The following GRIK4 variants were observed in gnomAD, a reference collection of about 807,000 sequenced individuals.
The protein encoded by GRIK4 is glutamate receptor ionotropic, kainate 4.
In GRIK4, 40 loss-of-function variants were observed where a neutral mutation model predicts 104.9. That is an observed-to-expected ratio of 0.38 (90% CI 0.30 to 0.50). The LOEUF is 0.50. Among genes scored for constraint, GRIK4 ranks in the 20% least tolerant of loss-of-function variants. GRIK4 has a pLI of 0.93. For missense variants in GRIK4, 1,047 were observed against 1,308.1 expected (o/e 0.80, Z 3.08); for synonymous variants, 485 against 524.9 (o/e 0.92, Z 1.04).
intron 1 of GRIK4, among the ~76,000 whole-genome samples, chr11:120,610,865 G>T (rs552640408): frequency 3.3e-5 from 5 of 152,272 alleles, no homozygotes; most frequent in Admixed American, 2.0e-4. Context: ...CACAAGCCTG[G>T]GTGCAAGCAA....
intron 1 of GRIK4, among the ~76,000 whole-genome samples, chr11:120,624,881 TGGG>T (rs1949237641): frequency 1.3e-5 from 2 of 152,072 alleles, no homozygotes; most frequent in Non-Finnish European, 2.9e-5. Flanking sequence ...CTTGGGGGGA[TGGG>T]GTGCAGATTT....
intron 4 of GRIK4, among the ~76,000 whole-genome samples, chr11:120,809,025 A>G (rs1294365014): frequency 6.6e-6 from 1 of 152,146 alleles, no homozygotes; most frequent in Non-Finnish European, 1.5e-5. Context: ...GAGGGGGGCT[A>G]CAGTCAGTGG....
chr11:120,954,216 C>G (rs1393104751), intron 15 of GRIK4, among the ~76,000 whole-genome samples: 1 of 152,112 alleles, frequency 6.6e-6, no homozygotes, highest in Non-Finnish European at 1.5e-5. Context: ...CTAGTGGAGA[C>G]CAAGGTCCCC....
chr11:120,756,532 A>G (rs1385776557), intron 3 of GRIK4, among the ~76,000 whole-genome samples: 1 of 152,182 alleles, frequency 6.6e-6, no homozygotes, highest in African/African-American at 2.4e-5. Context: ...ACTTGGCTCA[A>G]AGGGCTGAGG....
intron 6 of GRIK4, among the ~76,000 whole-genome samples, chr11:120,821,867 A>G (rs374320468): frequency 3.7e-4 from 56 of 152,306 alleles, no homozygotes; most frequent in African/African-American, 1.3e-3. Flanking sequence ...GTTCTCAAAG[A>G]TGAAGCAGAC....
At chr11:120,591,523 G>C (rs1948732887) in intron 1 of GRIK4, among the ~76,000 whole-genome samples, 1 of 152,134 alleles carries the variant, frequency 6.6e-6, no homozygotes, top group Non-Finnish European at 1.5e-5. Flanking sequence ...TAATGTAAAA[G>C]CGTGTTGTAA....
chr11:120,621,205 G>T (rs776004325), intron 1 of GRIK4, among the ~76,000 whole-genome samples: 1 of 152,144 alleles, frequency 6.6e-6, no homozygotes, highest in Non-Finnish European at 1.5e-5. Flanking sequence ...GGGTGGGCAC[G>T]GTGAGTCTGC....
At chr11:120,767,585 C>T (rs1312108653) in intron 3 of GRIK4, among the ~76,000 whole-genome samples, 5 of 151,892 alleles carry the variant, frequency 3.3e-5, no homozygotes, top group South Asian at 2.1e-4. Flanking sequence ...CTTTTGTAGC[C>T]TGAGCTTTTG....
intron 3 of GRIK4, among the ~76,000 whole-genome samples, chr11:120,695,333 C>T (rs931609880): frequency 4.6e-5 from 7 of 152,254 alleles, no homozygotes; most frequent in Non-Finnish European, 1.0e-4. Flanking sequence ...CCACCCAGGC[C>T]CTGGCCCTCC....
chr11:120,892,797 G>A (rs771299536), intron 11 of GRIK4, among the ~76,000 whole-genome samples: 6 of 152,130 alleles, frequency 3.9e-5, no homozygotes, highest in South Asian at 2.1e-4. Context: ...CTGATGCCAC[G>A]GAACCATTCA....
chr11:120,829,343 C>T (rs1051897516), intron 6 of GRIK4, among the ~76,000 whole-genome samples: 6 of 152,114 alleles, frequency 3.9e-5, no homozygotes, highest in Non-Finnish European at 5.9e-5. Context: ...AATACTCTCT[C>T]CACTTTACAT....
intron 1 of GRIK4, among the ~76,000 whole-genome samples, chr11:120,565,222 G>A (rs990300164): frequency 1.3e-5 from 2 of 152,230 alleles, no homozygotes; most frequent in Admixed American, 1.3e-4. Context: ...TGCCTGCCAT[G>A]TCGCCACCGG....
intron 3 of GRIK4, among the ~76,000 whole-genome samples, chr11:120,663,890 C>T (rs566984652): frequency 5.0e-4 from 76 of 152,290 alleles, no homozygotes; most frequent in Admixed American, 1.3e-4. Context: ...TCATCCTGTC[C>T]GTAAGAGGGA....
intron 1 of GRIK4, among the ~76,000 whole-genome samples, chr11:120,593,727 T>C (rs949858883): frequency 1.3e-5 from 2 of 152,230 alleles, no homozygotes; most frequent in African/African-American, 4.8e-5. Flanking sequence ...TCTACTTGAC[T>C]TTTTCATTTG....
chr11:120,956,229 C>A lies in GRIK4; in HGVS notation c.1701-551C>A, dbSNP rs1344736796. Among the ~76,000 whole-genome samples the A allele has an allele frequency of 6.8e-6, 1 of 147,932 alleles. No individual in the cohort carries two copies. The highest frequency in any genetic ancestry group is 1.5e-5 in the Non-Finnish European group (1 of 67,292). Reference sequence around the variant, plus strand: ...TTTTTTTTTTTTTTTGAGACAGGGTCTCACTCTGTTTGTCCAGGCTGGAGT... The same window carrying A: ...TTTTTTTTTTTTTTTGAGACAGGGTATCACTCTGTTTGTCCAGGCTGGAGT... On this transcript the variant is annotated intron_variant, in intron 15 of 20. Transcript: ENST00000527524. The surrounding 1 kb of genome is among the most constrained non-coding windows in gnomAD (Gnocchi z 4.6).
intron 9 of GRIK4, among the ~76,000 whole-genome samples, chr11:120,864,339 C>T (rs1954343537): frequency 6.6e-6 from 1 of 151,148 alleles, no homozygotes; most frequent in African/African-American, 2.5e-5. Context: ...CTCCCGGGTT[C>T]ACGCCATTCT....
At chr11:120,816,115 G>GA (rs1565369466) in intron 5 of GRIK4, among the ~76,000 whole-genome samples, 1 of 151,706 alleles carries the variant, frequency 6.6e-6, no homozygotes, top group Non-Finnish European at 1.5e-5. Flanking sequence ...TTCCATGGGA[G>GA]AAAAAAAATG....
At chr11:120,732,380 G>T (rs892205621) in intron 3 of GRIK4, among the ~76,000 whole-genome samples, 2 of 152,100 alleles carry the variant, frequency 1.3e-5, no homozygotes, top group African/African-American at 4.8e-5. Context: ...TGATCTGCCC[G>T]CCTTGGCCTC....
At chr11:120,776,581 G>A (rs1952047359) in intron 3 of GRIK4, among the ~76,000 whole-genome samples, 1 of 152,208 alleles carries the variant, frequency 6.6e-6, no homozygotes. Context: ...AGACTTAGCT[G>A]GCTTAAAACA....
Sources: allele counts gnomAD v4.1 joint callset (sites outside exome capture counted in the v4.1 genomes callset), GRCh38; gene constraint gnomAD v4.1.1; non-coding constraint Gnocchi (gnomAD v3.1); transcripts MANE v1.5; gene names NCBI Gene and HGNC (gene_info 2026-07-23, HGNC 2026-07-21).